The following ADAD2 variants were observed in gnomAD, a reference collection of about 807,000 sequenced individuals.
ADAD2 encodes adenosine deaminase domain-containing protein 2.
Under a neutral mutation model 54.5 loss-of-function variants are expected in ADAD2, and 60 were observed. The observed-to-expected ratio is 1.10, with a 90% CI of 0.89 to 1.36. The LOEUF is 1.36. Among genes scored for constraint, ADAD2 ranks in the 40% most tolerant of loss-of-function variants. ADAD2 has a pLI of 0.00. For synonymous variants in ADAD2, 543 were observed against 366.2 expected (o/e 1.48, Z -5.51); for missense variants, 1,103 against 801.3 (o/e 1.38, Z -4.54).
At chr16:84,192,113 C>T (rs1204571274) in intron 1 of ADAD2, among the ~76,000 whole-genome samples, 4 of 152,108 alleles carry the variant, frequency 2.6e-5, no homozygotes, top group Non-Finnish European at 4.4e-5. Flanking sequence ...AATACATACC[C>T]CTTAAATCCC....
chr16:84,196,954 G>T lies in ADAD2; in HGVS notation c.1732G>T (p.Val578Leu). ...GGGGGCTTGGCCCTCGAAGCCACTG[G>T]TGGGCAAATTCAGAAACTGAAGCCA... Reference protein sequence around the residue: ...GLGAWPSKPLVGKFRN With the variant: ...GLGAWPSKPLLGKFRN Residue 578 changes from valine (V) to leucine (L), a missense_variant, in exon 10 of 10, where the codon GTG (valine) becomes TTG (leucine). Transcript: ENST00000315906. The T allele has an allele frequency of 6.2e-7, 1 of 1,604,244 alleles. No individual in the cohort carries two copies. Among genetic ancestry groups the T allele is most frequent in the Non-Finnish European group, 8.5e-7 (1 of 1,176,640 alleles).
intron 1 of ADAD2, 183 bp downstream of exon 1, chr16:84,191,831 T>G (rs2089659994): frequency 2.3e-6 from 2 of 851,852 alleles, no homozygotes; most frequent in African/African-American, 1.7e-5. Flanking sequence ...AGCAGCGATC[T>G]CCAAGGATCA....
intron 6 of ADAD2, 21 bp from the exon 7 acceptor site, chr16:84,195,794 C>A: frequency 3.2e-6 from 5 of 1,576,880 alleles, no homozygotes; most frequent in South Asian, 1.2e-5. Context: ...AAGCTGATGT[C>A]TGTCCCCACC....
chr16:84,196,342 G>C lies in ADAD2; in HGVS notation c.1498G>C (p.Asp500His). 1 of 1,612,744 alleles carries C rather than the reference G, an allele frequency of 6.2e-7. No homozygotes were observed. ...GGGGGACCCTGGCATCGAGGTTGTGGATGTGGCCACCGGGCGTGTGAAGGC... is the reference window on the plus strand; with the variant it reads ...GGGGGACCCTGGCATCGAGGTTGTGCATGTGGCCACCGGGCGTGTGAAGGC... ...SLGDPGIEVV[D>H]VATGRVKANA... is the part of the protein sequence containing the mutation. The change falls in exon 8 of 10, where the codon GAT becomes CAT. Residue 500 changes from aspartate (D) to histidine (H), a missense_variant. Physicochemically the swap from Asp to His is moderately conservative, Grantham distance 81. Transcript: ENST00000315906.
chr16:84,197,042 A>G lies in ADAD2; in HGVS notation c.*68A>G. The G allele has an allele frequency of 6.8e-7, 1 of 1,474,008 alleles. No individual in the cohort carries two copies. Among genetic ancestry groups the G allele is most frequent in the Non-Finnish European group, 9.2e-7 (1 of 1,081,544 alleles). The allele number at this position is 1,474,008 out of a possible 1,614,324, so 91.3% of individuals were successfully genotyped here. A position where few individuals can be genotyped will look rare whatever the true frequency, so the allele number is the denominator to read the frequency against. On this transcript the variant is annotated 3_prime_UTR_variant, in exon 10 of 10. Coordinates refer to ENST00000315906, the MANE Select transcript of ADAD2 (RefSeq NM_001145400.2). Reference sequence around the variant, plus strand: ...CCCTGCTGGGGGAGTGCCCTATCTGAGGAGCGTTGTGGGGAGAACATGGGT... The same window carrying G: ...CCCTGCTGGGGGAGTGCCCTATCTGGGGAGCGTTGTGGGGAGAACATGGGT...
In ADAD2 at chr16:84,193,892, T is replaced by C. The variant is rs1381661403; in HGVS notation, c.419-550T>C. 5.1e-6 allele frequency: 6 copies of C among 1,168,334 alleles called. No individual in the cohort carries two copies. In the Admixed American group the frequency reaches 7.8e-5, roughly 15 times the overall value. 72.4% of individuals were successfully genotyped at this position (1,168,334 alleles called of 1,614,324 possible). On this transcript the variant is annotated intron_variant, in intron 1 of 9. Transcript: ENST00000315906. ...GGGGCAGTCCTTGGGAGAAACAATT[T>C]AGCAGCAAGTACTGTGAAATTAACC...
intron 1 of ADAD2, chr16:84,191,953 C>G: frequency 2.0e-6 from 1 of 510,796 alleles, no homozygotes; most frequent in South Asian, 2.1e-5. Flanking sequence ...GTTTTTAGAG[C>G]CACTTACATG....
chr16:84,194,360 C>G, intron 1 of ADAD2, 82 bp from the exon 2 acceptor site: 1 of 1,555,482 alleles, frequency 6.4e-7, no homozygotes, highest in Non-Finnish European at 8.7e-7. Context: ...TCCTCGATAT[C>G]AGGTGTCAGG....
At position 84,195,236 on chromosome 16, in the gene ADAD2, G is replaced by A. The variant is rs183214793; in HGVS notation, c.733+42G>A. The A allele has an allele frequency of 2.9e-4, 472 of 1,610,398 alleles. 1 individual carries two copies. The African/African-American group carries it at 5.8e-3, about 20-fold the overall frequency. On this transcript the variant is annotated intron_variant, in intron 4 of 9. Coordinates refer to ENST00000315906, the MANE Select transcript of ADAD2 (RefSeq NM_001145400.2). The stretch of plus-strand genomic sequence containing the variant: ...CCCTGGCCCTGGCCCCGGCCCCCTG[G>A]GAAGGGCCCCCTCAAGCTCCTTGCC...
At chr16:84,196,624 A>C in intron 8 of ADAD2, 23 bp from the exon 9 acceptor site, 1 of 1,610,560 alleles carries the variant, frequency 6.2e-7, no homozygotes, top group East Asian at 2.2e-5. Flanking sequence ...CTCTGATCTC[A>C]GTGGTATCCT....
At position 84,194,451 on chromosome 16, in the gene ADAD2, TCC is replaced by T. The variant is rs1333432022; in HGVS notation, c.431_432del (p.Pro144LeufsTer19). ...CTGGCTCCTTCCCCAGGTCCCTGCT[TCC>T]CCTTCTCGGTGAGCGCGGAACTGGA... On this transcript the variant is annotated frameshift_variant, in exon 2 of 10. Coordinates refer to ENST00000315906, the MANE Select transcript of ADAD2 (RefSeq NM_001145400.2). LOFTEE classifies it high-confidence loss of function. 6.2e-7 allele frequency: 1 copy of T among 1,604,828 alleles called. No homozygotes were observed. Among genetic ancestry groups the T allele is most frequent in the South Asian group, 1.1e-5 (1 of 90,320 alleles).
At chr16:84,194,625 A>G (rs901866740) in intron 2 of ADAD2, 43 bp downstream of exon 2, 23 of 1,576,362 alleles carry the variant, frequency 1.5e-5, no homozygotes, top group Admixed American at 1.8e-5. Flanking sequence ...AGCTGGGGAC[A>G]AGAGGACTGA....
chr16:84,196,616 C>G (rs756270070), intron 8 of ADAD2, 31 bp from the exon 9 acceptor site: 1 of 1,607,724 alleles, frequency 6.2e-7, no homozygotes, highest in East Asian at 2.2e-5. Context: ...TTGTATCTCT[C>G]TGATCTCAGT....
In ADAD2 at chr16:84,195,566, G is replaced by A. The variant is rs150649614; in HGVS notation, c.921G>A (p.Gly307=). The A allele has an allele frequency of 8.9e-4, 1,423 of 1,600,066 alleles. 6 individuals carry two copies. The African/African-American group carries it at 0.013, about 14-fold the overall frequency. The change falls in exon 6 of 10, where the codon GGG becomes GGA. Residue 307 remains glycine (G), a synonymous_variant. Coordinates refer to ENST00000315906, the MANE Select transcript of ADAD2 (RefSeq NM_001145400.2). ...LFRQLLLATQ[G]GPKGKEQSVL... is the part of the protein sequence containing the mutation. ...GGCAGCTCCTGCTGGCCACACAGGG[G>A]GGCCCCAAGGGCAAGGAGCAGTCCG... is the stretch of plus-strand genomic sequence containing the variant.
chr16:84,196,486 C>T, intron 8 of ADAD2, 116 bp downstream of exon 8: 3 of 606,876 alleles, frequency 4.9e-6, no homozygotes, highest in Non-Finnish European at 6.8e-6. Flanking sequence ...AACCCCTTCG[C>T]TCAACCCCTT....
chr16:84,196,106 C>G (rs1240575562), intron 7 of ADAD2, 21 bp from the exon 8 acceptor site: 1 of 1,600,486 alleles, frequency 6.2e-7, no homozygotes, highest in Non-Finnish European at 8.5e-7. Flanking sequence ...CTCACCTTGT[C>G]CTGTCCCTTC....
At position 84,195,091 on chromosome 16, in the gene ADAD2, G is replaced by GC. The variant is rs1775341520; in HGVS notation, c.631dup (p.Arg211ProfsTer11). ...CAGAGAACATCCTGACCCATGAGCA[G>GC]CGCTGCGCAGCGTTGGTGAGCGCCG... On this transcript the variant is annotated frameshift_variant, in exon 4 of 10. Transcript: ENST00000315906. LOFTEE classifies it high-confidence loss of function. The GC allele has an allele frequency of 6.2e-7, 1 of 1,613,570 alleles. No homozygotes were observed. Among genetic ancestry groups the GC allele is most frequent in the Non-Finnish European group, 8.5e-7 (1 of 1,179,978 alleles).
At position 84,197,048 on chromosome 16, in the gene ADAD2, G is replaced by T. The variant is rs2303244; in HGVS notation, c.*74G>T. 109 of 1,436,614 alleles carry T rather than the reference G, an allele frequency of 7.6e-5. No individual in the cohort carries two copies. The highest frequency in any genetic ancestry group is 4.7e-4 in the Middle Eastern group (2 of 4,266). 89.0% of individuals were successfully genotyped at this position (1,436,614 alleles called of 1,614,324 possible). ...TGGGGGAGTGCCCTATCTGAGGAGC[G>T]TTGTGGGGAGAACATGGGTTGTGCG... is the stretch of plus-strand genomic sequence containing the variant. On this transcript the variant is annotated 3_prime_UTR_variant, in exon 10 of 10. Transcript: ENST00000315906.
chr16:84,195,107 G>C lies in ADAD2; in HGVS notation c.646G>C (p.Val216Leu), dbSNP rs1344455116. Residue 216 changes from valine to leucine, a missense_variant, in exon 4 of 10, where the codon GTG (valine) becomes CTG (leucine). Transcript: ENST00000315906. ...LTHEQRCAAL[V>L]SAGFDLLLDE... ...CCATGAGCAGCGCTGCGCAGCGTTG[G>C]TGAGCGCCGGCTTTGACCTCCTGTT... 3 of 1,613,758 alleles carry C rather than the reference G, an allele frequency of 1.9e-6. No homozygotes were observed. The highest frequency in any genetic ancestry group is 2.2e-5 in the East Asian group (1 of 44,862).
Sources: allele counts gnomAD v4.1 joint callset (sites outside exome capture counted in the v4.1 genomes callset), GRCh38; gene constraint gnomAD v4.1.1; transcripts MANE v1.5; gene names NCBI Gene and HGNC (gene_info 2026-07-23, HGNC 2026-07-21).